Variants in ADGRL3 observed in about 807,000 individuals in gnomAD.
The protein encoded by ADGRL3 is adhesion G protein-coupled receptor L3, also known as calcium-independent alpha-latrotoxin receptor 3.
In ADGRL3, 62 loss-of-function variants were observed where a neutral mutation model predicts 153.5. That is an observed-to-expected ratio of 0.40 (90% CI 0.33 to 0.50). ADGRL3 has a LOEUF of 0.50. ADGRL3 is among the 20% of genes least tolerant of loss of function. The pLI is 0.47. For synonymous variants in ADGRL3, 710 were observed against 672.5 expected, an observed-to-expected ratio of 1.06 and a Z score of -0.86; for missense variants, 1,641 against 1,859.4, an observed-to-expected ratio of 0.88 and a Z score of 2.16.
intron 13 of ADGRL3, among the ~76,000 whole-genome samples, chr4:61,924,411 C>T (rs145312221): frequency 6.6e-6 from 1 of 152,180 alleles, no homozygotes; most frequent in Non-Finnish European, 1.5e-5. Flanking sequence ...ACCTATATGT[C>T]TATGACCTAC....
intron 1 of ADGRL3, among the ~76,000 whole-genome samples, chr4:61,317,332 C>G (rs1006950583): frequency 1.1e-4 from 16 of 152,144 alleles, no homozygotes; most frequent in Non-Finnish European, 1.5e-5. Context: ...AAATCTACAG[C>G]AGATTTTTTG....
intron 5 of ADGRL3, among the ~76,000 whole-genome samples, chr4:61,594,448 G>C (rs1270986799): frequency 6.6e-6 from 1 of 152,084 alleles, no homozygotes; most frequent in East Asian, 1.9e-4. Context: ...TGTCCTTCTT[G>C]GGAAGGCCTT....
intron 2 of ADGRL3, among the ~76,000 whole-genome samples, chr4:61,392,702 A>AAAAAG (rs1323018299): frequency 6.8e-6 from 1 of 146,538 alleles, no homozygotes; most frequent in Non-Finnish European, 1.5e-5. Flanking sequence ...AAAAAAAAAA[A>AAAAAG]AAAAGAAAAA....
chr4:61,816,874 C>T (rs1246664177), intron 9 of ADGRL3, among the ~76,000 whole-genome samples: 1 of 152,148 alleles, frequency 6.6e-6, no homozygotes, highest in Non-Finnish European at 1.5e-5. Flanking sequence ...CTCTCAGGGA[C>T]CCAGGAAGCC....
At chr4:61,221,012 A>G (rs1166378414) in intron 1 of ADGRL3, among the ~76,000 whole-genome samples, 1 of 152,174 alleles carries the variant, frequency 6.6e-6, no homozygotes, top group Non-Finnish European at 1.5e-5. Context: ...CCCTGAATCA[A>G]TTATTTTTAG....
chr4:61,241,938 A>G (rs1755142780), intron 1 of ADGRL3, among the ~76,000 whole-genome samples: 1 of 152,052 alleles, frequency 6.6e-6, no homozygotes, highest in Admixed American at 6.6e-5. Context: ...TTTTCTTTGC[A>G]TTATTCTTAG....
chr4:61,325,182 T>C (rs2095439963), intron 1 of ADGRL3, among the ~76,000 whole-genome samples: 1 of 151,892 alleles, frequency 6.6e-6, no homozygotes, highest in African/African-American at 2.4e-5. Flanking sequence ...CGTGGTGGCA[T>C]GTGCTTGTAA....
intron 3 of ADGRL3, among the ~76,000 whole-genome samples, chr4:61,499,368 C>T (rs2098358027): frequency 6.6e-6 from 1 of 152,120 alleles, no homozygotes; most frequent in Non-Finnish European, 1.5e-5. Context: ...AATTCATATA[C>T]TTATACATTC....
intron 9 of ADGRL3, among the ~76,000 whole-genome samples, chr4:61,883,730 T>C (rs769294732): frequency 5.9e-5 from 9 of 152,206 alleles, no homozygotes; most frequent in Non-Finnish European, 1.2e-4. Flanking sequence ...TGCCTAACCA[T>C]TGAAGGCATG....
chr4:61,237,886 T>G (rs1272256112), intron 1 of ADGRL3, among the ~76,000 whole-genome samples: 1 of 152,168 alleles, frequency 6.6e-6, no homozygotes, highest in East Asian at 1.9e-4. Context: ...TGAAACACAG[T>G]ACAATACACT....
At chr4:61,916,704 G>A (rs1232241512) in intron 13 of ADGRL3, among the ~76,000 whole-genome samples, 1 of 152,150 alleles carries the variant, frequency 6.6e-6, no homozygotes. Flanking sequence ...TGTAAACCCA[G>A]CACTTTGGAA....
At chr4:61,926,602 T>C (rs2098795384) in intron 13 of ADGRL3, among the ~76,000 whole-genome samples, 1 of 152,146 alleles carries the variant, frequency 6.6e-6, no homozygotes, top group Non-Finnish European at 1.5e-5. Flanking sequence ...GTCTCAATAT[T>C]CTCACTGTAA....
intron 9 of ADGRL3, among the ~76,000 whole-genome samples, chr4:61,863,998 T>C (rs2098376020): frequency 6.6e-6 from 1 of 152,180 alleles, no homozygotes. Flanking sequence ...AAAAGGAAAA[T>C]GCTCTCAAAC....
chr4:61,616,056 AT>A, intron 5 of ADGRL3, among the ~76,000 whole-genome samples: 1 of 152,186 alleles, frequency 6.6e-6, no homozygotes, highest in East Asian at 1.9e-4. Context: ...CATATTGAAC[AT>A]TATGAGGAAA....
intron 23 of ADGRL3, among the ~76,000 whole-genome samples, chr4:62,031,960 C>T (rs1019373230): frequency 4.7e-5 from 2 of 42,146 alleles, no homozygotes; most frequent in Non-Finnish European, 8.4e-5. Context: ...GAGTTATACA[C>T]ACACACACAC....
Position 61,444,095 on chromosome 4 carries a change from T to C in ADGRL3, c.-173-53026T>C, listed in dbSNP as rs544150610. ...ATAAAAAAGCACTTCTTGTTCCCAATATGCAAATCCATTCTATGCATTAAA... is the reference window on the plus strand; with the variant it reads ...ATAAAAAAGCACTTCTTGTTCCCAACATGCAAATCCATTCTATGCATTAAA... On this transcript the variant is annotated intron_variant, in intron 2 of 26. Coordinates refer to ENST00000683033, the MANE Select transcript of ADGRL3 (RefSeq NM_001387552.1). Among the ~76,000 whole-genome samples the C allele has an allele frequency of 2.0e-5, 3 of 152,330 alleles. No individual in the cohort carries two copies. The South Asian group carries it at 6.2e-4, about 32-fold the overall frequency.
At chr4:61,491,430 A>G (rs1316498252) in intron 2 of ADGRL3, among the ~76,000 whole-genome samples, 5 of 152,140 alleles carry the variant, frequency 3.3e-5, no homozygotes, top group South Asian at 2.1e-4. Flanking sequence ...TTTGGTTACT[A>G]TGGACAGATA....
chr4:61,244,934 G>A (rs1328729260), intron 1 of ADGRL3, among the ~76,000 whole-genome samples: 1 of 152,018 alleles, frequency 6.6e-6, no homozygotes, highest in African/African-American at 2.4e-5. Flanking sequence ...TAATGGAAGA[G>A]TGTTTGTTTA....
At chr4:62,007,439 T>TATAC (rs1553908730) in intron 21 of ADGRL3, among the ~76,000 whole-genome samples, 16 of 124,062 alleles carry the variant, frequency 1.3e-4, no homozygotes, top group East Asian at 4.3e-4. Flanking sequence ...TATATATATA[T>TATAC]ACACACACAT....
Sources: gnomAD v4.1 joint callset for allele counts (sites outside exome capture counted in the v4.1 genomes callset) on GRCh38, gnomAD v4.1.1 for gene constraint, MANE v1.5 for transcripts, NCBI Gene and HGNC (gene_info 2026-07-23, HGNC 2026-07-21) for gene names.